Variants in TBX5 observed in about 807,000 individuals in gnomAD.
TBX5 encodes T-box transcription factor 5, also known as T-box transcription factor TBX5.
A neutral mutation model predicts 51.1 loss-of-function variants in TBX5; 8 were observed. The ratio of observed to expected loss-of-function variants is 0.16; its 90% CI spans 0.09 to 0.28. TBX5 has a LOEUF of 0.28. Among genes scored for constraint, TBX5 ranks in the 10% least tolerant of loss-of-function variants. The pLI, the probability that TBX5 is intolerant of heterozygous loss-of-function variation, is 1.00. For missense variants in TBX5, 589 were observed against 671.7 expected (o/e 0.88, Z 1.36); for synonymous variants, 302 against 266.4 (o/e 1.13, Z -1.30).
rs1868870355 is a variant in TBX5 at position 114,355,884 on chromosome 12, G to A, written c.1205C>T (p.Pro402Leu). ...SLEDISCNTW[P>L]SMPSYSSCTV... ...GCAGCTGCTGTAGGAAGGCATGCTTGGCCACGTGTTGCAGCTGATGTCCTC... is the reference window on the plus strand; with the variant it reads ...GCAGCTGCTGTAGGAAGGCATGCTTAGCCACGTGTTGCAGCTGATGTCCTC... Residue 402 changes from proline to leucine, a missense_variant, in exon 9 of 9, where the codon CCA becomes CTA. Pro to Leu is a moderately conservative substitution (Grantham distance 98). This residue lies in a region of TBX5 where 348 missense variants were observed against 360.4 expected (regional missense o/e 0.97). Transcript: ENST00000405440. The A allele has an allele frequency of 3.1e-6, 5 of 1,613,728 alleles. No individual in the cohort carries two copies. The highest frequency in any genetic ancestry group is 4.2e-6 in the Non-Finnish European group (5 of 1,180,032).
Position 114,377,347 on chromosome 12 carries a change from G to T in TBX5, c.755+8129C>A, listed in dbSNP as rs78937962. Among the ~76,000 whole-genome samples, 310 of 152,220 alleles carry T rather than the reference G, an allele frequency of 2.0e-3. 3 individuals carry two copies. Among genetic ancestry groups the T allele is most frequent in the Middle Eastern group, 0.017 (5 of 294 alleles). On this transcript the variant is annotated intron_variant, in intron 7 of 8. Transcript: ENST00000405440. ...TAGAAGAGGGAAGGTTCAAATAGAA[G>T]AATTTTAACCTTTTAGGAGACCTAG...
At chr12:114,359,609 C>T (rs1216934211) in intron 8 of TBX5, among the ~76,000 whole-genome samples, 1 of 152,178 alleles carries the variant, frequency 6.6e-6, no homozygotes, top group Admixed American at 6.5e-5. Flanking sequence ...TCTGACCACT[C>T]ATTATGGCAT....
chr12:114,371,985 T>C (rs983387776), intron 7 of TBX5, among the ~76,000 whole-genome samples: 2 of 152,142 alleles, frequency 1.3e-5, no homozygotes, highest in African/African-American at 4.8e-5. Context: ...CTGGGTACCA[T>C]GTTGCTGATG....
chr12:114,407,616 G>A (rs1872307768), upstream of TBX5, among the ~76,000 whole-genome samples: 2 of 152,200 alleles, frequency 1.3e-5, no homozygotes, highest in African/African-American at 4.8e-5. Context: ...GGGCCACCAA[G>A]CAAAATAGGG....
chr12:114,407,211 G>T (rs575803649), upstream of TBX5: 3 of 614,402 alleles, frequency 4.9e-6, no homozygotes, highest in East Asian at 2.8e-4. Flanking sequence ...GGCAACCGGG[G>T]AGAAAGCCAG....
At position 114,398,703 on chromosome 12, in the gene TBX5, G is replaced by T; in HGVS notation, c.380C>A (p.Ala127Asp). 6.2e-7 allele frequency: 1 copy of T among 1,603,334 alleles called. No homozygotes were observed. The highest frequency in any genetic ancestry group is 8.5e-7 in the Non-Finnish European group (1 of 1,175,074). The change falls in exon 5 of 9, where the codon GCT (alanine) becomes GAT (aspartate). Residue 127 changes from alanine to aspartate, a missense_variant. This residue lies in a region of TBX5 where 85 missense variants were observed against 95.6 expected (regional missense o/e 0.89). Coordinates refer to ENST00000405440, the MANE Select transcript of TBX5 (RefSeq NM_181486.4). The part of the protein sequence containing the change: ...ADNKWSVTGK[A>D]EPAMPGRLYV... ...CAGGCGGCCAGGCATGGCGGGCTCA[G>T]CTTTGCCCGTCACAGACCTAGATGA...
intron 7 of TBX5, among the ~76,000 whole-genome samples, chr12:114,383,349 C>G (rs1870619084): frequency 6.6e-6 from 1 of 152,026 alleles, no homozygotes; most frequent in Non-Finnish European, 1.5e-5. Flanking sequence ...TTCGAAGGGC[C>G]AAAAATAAAG....
chr12:114,378,493 T>G (rs527709242), intron 7 of TBX5, among the ~76,000 whole-genome samples: 1 of 152,324 alleles, frequency 6.6e-6, no homozygotes, highest in South Asian at 2.1e-4. Context: ...CGAGCGTCCC[T>G]CTGGGCCAGA....
At position 114,367,088 on chromosome 12, in the gene TBX5, G is replaced by T. The variant is rs543217352; in HGVS notation, c.756-697C>A. On this transcript the variant is annotated intron_variant, in intron 7 of 8. Transcript: ENST00000405440. Reference sequence around the variant, plus strand: ...ATGAAAAGACTCAGAAAGGTACATGGCACAGAGTAAATGCTCAACAAATGG... The same window carrying T: ...ATGAAAAGACTCAGAAAGGTACATGTCACAGAGTAAATGCTCAACAAATGG... 2.6e-5 allele frequency among the ~76,000 whole-genome samples: 4 copies of T among 152,192 alleles called. No individual in the cohort carries two copies. The South Asian group carries it at 8.3e-4, about 32-fold the overall frequency.
chr12:114,379,913 C>T (rs1354122287), intron 7 of TBX5, among the ~76,000 whole-genome samples: 1 of 152,224 alleles, frequency 6.6e-6, no homozygotes, highest in Non-Finnish European at 1.5e-5. Context: ...GCAGGTGGAT[C>T]AGATGCTGTC....
intron 8 of TBX5, among the ~76,000 whole-genome samples, chr12:114,359,354 G>A (rs1248548084): frequency 1.3e-5 from 2 of 152,066 alleles, no homozygotes; most frequent in African/African-American, 2.4e-5. Flanking sequence ...TTTGGTTATG[G>A]CTCAGTTTCT....
At chr12:114,376,806 CAATTATACCTCA>C (rs1302484572) in intron 7 of TBX5, among the ~76,000 whole-genome samples, 1 of 148,826 alleles carries the variant, frequency 6.7e-6, no homozygotes, top group African/African-American at 2.5e-5. Flanking sequence ...CACTTTTTGT[CAATTATACCTCA>C]TTAAAGATGA....
rs1261463425 is a variant in TBX5, at chr12:114,354,636, T to C, written c.*896A>G. 6.5e-6 allele frequency: 1 copy of C among 152,694 alleles called. No individual in the cohort carries two copies. The highest frequency in any genetic ancestry group is 1.5e-5 in the Non-Finnish European group (1 of 68,042). 9.5% of individuals were successfully genotyped at this position (152,694 alleles called of 1,614,324 possible). On this transcript the variant is annotated 3_prime_UTR_variant, in exon 9 of 9. Transcript: ENST00000405440. Reference sequence around the variant, plus strand: ...TATTTTGGCTTTTTGTCCACAACTCTTGTCAACACAGAGCTTGCACTGTTA... The same window carrying C: ...TATTTTGGCTTTTTGTCCACAACTCCTGTCAACACAGAGCTTGCACTGTTA...
In TBX5 at chr12:114,365,829, CA is replaced by C. The variant is rs56315440; in HGVS notation, c.982+335del. On this transcript the variant is annotated intron_variant, in intron 8 of 8. Transcript: ENST00000405440. ...TGGGTGATAGAGCAAGATCCTGTCT[CA>C]AAAAAAAAAAAAAAAGAAAAAAAAA... Among the ~76,000 whole-genome samples the C allele has an allele frequency of 0.064, 7,957 of 124,388 alleles. 464 individuals are homozygous for C. Among genetic ancestry groups the C allele is most frequent in the East Asian group, 0.37 (1,485 of 4,068 alleles). The allele number at this position is 124,388 out of a possible 152,430, so 81.6% of individuals were successfully genotyped here.
chr12:114,402,049 G>A (rs1871851095), intron 2 of TBX5, 129 bp from the exon 3 acceptor site: 1 of 854,122 alleles, frequency 1.2e-6, no homozygotes, highest in East Asian at 2.6e-5. Flanking sequence ...AGAGTAAAAA[G>A]TGGCTTCAGC....
chr12:114,398,453 T>C, intron 5 of TBX5, 120 bp downstream of exon 5: 9 of 1,401,158 alleles, frequency 6.4e-6, no homozygotes, highest in Non-Finnish European at 8.9e-6. Flanking sequence ...TGGGGGAAAA[T>C]GGAGGAAAGA....
At chr12:114,382,727 G>A (rs1870572593) in intron 7 of TBX5, among the ~76,000 whole-genome samples, 1 of 152,166 alleles carries the variant, frequency 6.6e-6, no homozygotes, top group African/African-American at 2.4e-5. Context: ...AACCCGGGAG[G>A]CCAAGGTTGC....
chr12:114,364,290 C>G (rs76505982), intron 8 of TBX5, among the ~76,000 whole-genome samples: 2,776 of 152,292 alleles, frequency 0.018, 74 homozygotes, highest in African/African-American at 0.062. Flanking sequence ...GTGTTGACCA[C>G]TGAGGCTGTG....
chr12:114,388,596 G>A (rs1242788828), intron 6 of TBX5, among the ~76,000 whole-genome samples: 1 of 151,544 alleles, frequency 6.6e-6, no homozygotes, highest in East Asian at 1.9e-4. Context: ...TCCCACCTTG[G>A]CCTTCCAAAG....
Sources: gnomAD v4.1 joint callset for allele counts (sites outside exome capture counted in the v4.1 genomes callset) on GRCh38, gnomAD v4.1.1 for gene constraint, gnomAD v4.1.1 regional missense constraint, MANE v1.5 for transcripts, NCBI Gene and HGNC (gene_info 2026-07-23, HGNC 2026-07-21) for gene names.